The following HMCN1 variants were observed in gnomAD, a reference collection of about 807,000 sequenced individuals.
HMCN1 encodes the protein hemicentin-1.
Under a neutral mutation model 625.9 loss-of-function variants are expected in HMCN1, and 321 were observed. The ratio of observed to expected loss-of-function variants is 0.51; its 90% CI spans 0.47 to 0.56. HMCN1 has a LOEUF of 0.56. Ranked by LOEUF, HMCN1 falls within the 20% of genes least tolerant of loss-of-function variation. The pLI, the probability that HMCN1 is intolerant of heterozygous loss-of-function variation, is 0.00. For synonymous variants in HMCN1, 2,425 were observed against 2,417.6 expected (o/e 1.00, Z -0.09); for missense variants, 6,588 against 6,887.3 (o/e 0.96, Z 1.54).
intron 10 of HMCN1, among the ~76,000 whole-genome samples, chr1:185,932,261 T>C (rs1327940159): frequency 1.3e-5 from 2 of 152,200 alleles, no homozygotes; most frequent in African/African-American, 4.8e-5. Flanking sequence ...TAGAAATAGC[T>C]TGGAAAACAA....
intron 100 of HMCN1, among the ~76,000 whole-genome samples, chr1:186,168,005 A>G (rs1651985514): frequency 6.6e-6 from 1 of 151,930 alleles, no homozygotes; most frequent in African/African-American, 2.4e-5. Context: ...CGCATGGTAC[A>G]TCTACACCCA....
chr1:185,739,621 C>T (rs1424041497), intron 1 of HMCN1, among the ~76,000 whole-genome samples: 1 of 152,154 alleles, frequency 6.6e-6, no homozygotes, highest in African/African-American at 2.4e-5. Flanking sequence ...CATGAGTCTC[C>T]ATGCATTCAT....
chr1:186,190,342 T>TGTAA lies in HMCN1; in HGVS notation c.*468_*471dup, dbSNP rs1395416084. 3.2e-5 allele frequency: 7 copies of TGTAA among 218,112 alleles called. No homozygotes were observed. In the East Asian group the frequency reaches 3.7e-4, roughly 11 times the overall value. 13.5% of individuals were successfully genotyped at this position (218,112 alleles called of 1,614,324 possible). On this transcript the variant is annotated 3_prime_UTR_variant, in exon 107 of 107. Coordinates refer to ENST00000271588, the MANE Select transcript of HMCN1 (RefSeq NM_031935.3). Reference sequence around the variant, plus strand: ...TTATAAAATAACTTACGGAGATTTTTGTAAGTATTGATACATTATAATAGG... The same window carrying TGTAA: ...TTATAAAATAACTTACGGAGATTTTTGTAAGTAAGTATTGATACATTATAATAGG...
At position 186,065,280 on chromosome 1, in the gene HMCN1, C is replaced by T. The variant is rs1658034123; in HGVS notation, c.7556C>T (p.Pro2519Leu). Residue 2519 changes from proline (P) to leucine (L), a missense_variant, in exon 49 of 107, where the codon CCC becomes CTC. Around this residue, in one of 3 missense-constraint regions of HMCN1, gnomAD observed 4,628 missense variants for 4,853.1 expected, o/e 0.95. Coordinates refer to ENST00000271588, the MANE Select transcript of HMCN1 (RefSeq NM_031935.3). ...PEITWHKDGQPLQEDEAHHII... is the reference protein window; with the variant it reads ...PEITWHKDGQLLQEDEAHHII... ...ATTACATGGCACAAAGATGGGCAGCCCCTCCAAGAAGATGAAGCCCATCAC... is the reference window on the plus strand; with the variant it reads ...ATTACATGGCACAAAGATGGGCAGCTCCTCCAAGAAGATGAAGCCCATCAC... The T allele has an allele frequency of 6.2e-7, 1 of 1,612,374 alleles. No homozygotes were observed.
chr1:186,062,409 G>T, intron 47 of HMCN1, 105 bp from the exon 48 acceptor site: 1 of 726,266 alleles, frequency 1.4e-6, no homozygotes, highest in Non-Finnish European at 2.5e-6. Flanking sequence ...TGGATTGGGG[G>T]ATTTGTTTTG....
At chr1:186,097,374 T>A (rs1055767121) in intron 68 of HMCN1, among the ~76,000 whole-genome samples, 1 of 152,108 alleles carries the variant, frequency 6.6e-6, no homozygotes, top group African/African-American at 2.4e-5. Flanking sequence ...AATCTGCAGA[T>A]ACCGAGGGCC....
chr1:185,948,475 T>G (rs924238564), intron 11 of HMCN1, among the ~76,000 whole-genome samples: 3 of 136,088 alleles, frequency 2.2e-5, no homozygotes, highest in African/African-American at 5.6e-5. Flanking sequence ...TGGGCAGGAG[T>G]GGGGGTCGCA....
chr1:185,778,146 T>C (rs1333997081), intron 1 of HMCN1, among the ~76,000 whole-genome samples: 1 of 152,156 alleles, frequency 6.6e-6, no homozygotes, highest in Non-Finnish European at 1.5e-5. Context: ...GCCCTAAGTG[T>C]TCACTTGCCC....
intron 40 of HMCN1, among the ~76,000 whole-genome samples, chr1:186,043,563 G>A (rs1656351809): frequency 6.6e-6 from 1 of 152,076 alleles, no homozygotes; most frequent in Non-Finnish European, 1.5e-5. Context: ...AATTGCTTCC[G>A]ACTTTCACTT....
intron 15 of HMCN1, among the ~76,000 whole-genome samples, 189 bp from the exon 16 acceptor site, chr1:185,977,598 T>C (rs1243588117): frequency 6.6e-6 from 1 of 152,164 alleles, no homozygotes; most frequent in African/African-American, 2.4e-5. Flanking sequence ...AGTGTCTCTC[T>C]TCATTTATAA....
intron 106 of HMCN1, 111 bp downstream of exon 106, chr1:186,188,120 C>T (rs1653469407): frequency 7.8e-7 from 1 of 1,281,032 alleles, no homozygotes; most frequent in Non-Finnish European, 1.1e-6. Flanking sequence ...AAGTCACTAA[C>T]TCCAGGAAGA....
chr1:186,081,441 C>T (rs577966030), intron 56 of HMCN1, 47 bp downstream of exon 56: 5 of 1,354,656 alleles, frequency 3.7e-6, no homozygotes, highest in East Asian at 2.3e-5. Flanking sequence ...TTTGACTTTG[C>T]ACTTTGTAAT....
At chr1:185,871,824 G>A (rs947409058) in intron 4 of HMCN1, among the ~76,000 whole-genome samples, 2 of 152,184 alleles carry the variant, frequency 1.3e-5, no homozygotes, top group African/African-American at 2.4e-5. Context: ...GGCCATTTAG[G>A]ACTAGACTTT....
At chr1:186,091,008 T>G in intron 64 of HMCN1, 91 bp downstream of exon 64, 1 of 1,389,368 alleles carries the variant, frequency 7.2e-7, no homozygotes, top group East Asian at 2.4e-5. Flanking sequence ...AATACCGAAT[T>G]CCATCCCATT....
At chr1:185,742,520 T>A (rs979661016) in intron 1 of HMCN1, among the ~76,000 whole-genome samples, 1 of 152,152 alleles carries the variant, frequency 6.6e-6, no homozygotes, top group Non-Finnish European at 1.5e-5. Flanking sequence ...ATGGAAGATA[T>A]TACACATTTG....
chr1:186,063,102 A>ATATATATATC (rs1286648495), intron 48 of HMCN1, among the ~76,000 whole-genome samples: 1 of 132,100 alleles, frequency 7.6e-6, no homozygotes, highest in Non-Finnish European at 1.6e-5. Flanking sequence ...ATATATATAT[A>ATATATATATC]TCACATTTTC....
intron 101 of HMCN1, 95 bp from the exon 102 acceptor site, chr1:186,171,911 A>G: frequency 1.8e-6 from 2 of 1,109,608 alleles, no homozygotes; most frequent in Non-Finnish European, 1.3e-6. Context: ...GAATGTATAT[A>G]TAAATAATAT....
intron 70 of HMCN1, among the ~76,000 whole-genome samples, chr1:186,107,607 CTG>C (rs1208819027): frequency 1.3e-5 from 2 of 152,098 alleles, no homozygotes; most frequent in African/African-American, 4.8e-5. Flanking sequence ...TTTTTAGTGA[CTG>C]TATAGTATCC....
chr1:186,046,954 A>G (rs1338036698), intron 41 of HMCN1, among the ~76,000 whole-genome samples: 2 of 152,138 alleles, frequency 1.3e-5, no homozygotes, highest in Admixed American at 6.6e-5. Flanking sequence ...CAGAAATTGG[A>G]TTAGAACACC....
Sources: gnomAD v4.1 joint callset for allele counts (sites outside exome capture counted in the v4.1 genomes callset) on GRCh38, gnomAD v4.1.1 for gene constraint, gnomAD v4.1.1 regional missense constraint, MANE v1.5 for transcripts, NCBI Gene and HGNC (gene_info 2026-07-23, HGNC 2026-07-21) for gene names.